AFG1L: variants seen among roughly 807,000 people sequenced by gnomAD.
AFG1L encodes AFG1-like ATPase.
AFG1L carries 53 observed loss-of-function variants against 62.2 expected under a neutral mutation model. The ratio of observed to expected loss-of-function variants is 0.85; its 90% confidence interval spans 0.68 to 1.07. AFG1L has a LOEUF of 1.07. Among genes scored for constraint, AFG1L ranks in the 50% least tolerant of loss-of-function variants. The pLI is 0.00. For synonymous variants in AFG1L, 228 were observed against 210.3 expected (o/e 1.08, Z -0.73); for missense variants, 555 against 590.5 (o/e 0.94, Z 0.62).
At chr6:108,500,231 C>A (rs760266539) in intron 10 of AFG1L, among the ~76,000 whole-genome samples, 111 of 146,234 alleles carry the variant, frequency 7.6e-4, no homozygotes, top group Non-Finnish European at 1.0e-3. Context: ...TATACCTGAT[C>A]TCAGGTGATC....
At chr6:108,295,328 C>T in intron 1 of AFG1L, 110 bp downstream of exon 1, 1 of 1,264,464 alleles carries the variant, frequency 7.9e-7, no homozygotes, top group Non-Finnish European at 1.1e-6. Flanking sequence ...TTTCACGAAG[C>T]TGAGGGCTCC....
At chr6:108,434,840 A>G (rs967328852) in intron 7 of AFG1L, among the ~76,000 whole-genome samples, 1 of 152,224 alleles carries the variant, frequency 6.6e-6, no homozygotes, top group Non-Finnish European at 1.5e-5. Flanking sequence ...AACTAATTTT[A>G]GATCCCCAAT....
intron 10 of AFG1L, among the ~76,000 whole-genome samples, chr6:108,496,732 A>G (rs1582665960): frequency 7.9e-6 from 1 of 127,376 alleles, no homozygotes; most frequent in Non-Finnish European, 1.7e-5. Context: ...TGACAAATCT[A>G]AAAAAAATGA....
intron 1 of AFG1L, among the ~76,000 whole-genome samples, chr6:108,314,536 A>G (rs1777521577): frequency 6.6e-6 from 1 of 151,850 alleles, no homozygotes; most frequent in Non-Finnish European, 1.5e-5. Flanking sequence ...AGCTGCGACT[A>G]CAGGCACATG....
At chr6:108,340,056 C>T (rs1196994581) in intron 2 of AFG1L, among the ~76,000 whole-genome samples, 1 of 151,914 alleles carries the variant, frequency 6.6e-6, no homozygotes, top group African/African-American at 2.4e-5. Flanking sequence ...CTCCCACTAC[C>T]CTTCCCAGTC....
chr6:108,490,082 T>C (rs1314770165), intron 10 of AFG1L, among the ~76,000 whole-genome samples: 1 of 152,200 alleles, frequency 6.6e-6, no homozygotes, highest in Non-Finnish European at 1.5e-5. Flanking sequence ...TTTACTAGGC[T>C]AGGCGCGGTG....
chr6:108,519,350 A>G (rs922485941), intron 11 of AFG1L, among the ~76,000 whole-genome samples: 1 of 152,190 alleles, frequency 6.6e-6, no homozygotes, highest in Non-Finnish European at 1.5e-5. Context: ...GGATGGGACA[A>G]AAACATTCAA....
At position 108,471,258 on chromosome 6, in the gene AFG1L, C is replaced by G. The variant is rs76849797; in HGVS notation, c.891-5607C>G. 4.3e-3 allele frequency among the ~76,000 whole-genome samples: 662 copies of G among 152,238 alleles called. 5 individuals are homozygous for G. The highest frequency in any genetic ancestry group is 0.014 in the African/African-American group (589 of 41,544). ...AACATAAAATTCTCAACCTTCATAA[C>G]TATGACGAAGGCAGAGACACCGTAT... On this transcript the variant is annotated intron_variant, in intron 8 of 12. Coordinates refer to ENST00000368977, the MANE Select transcript of AFG1L (RefSeq NM_145315.5).
chr6:108,485,851 TTGTAGAGACAGGG>T (rs1309665180), intron 10 of AFG1L, among the ~76,000 whole-genome samples: 1 of 149,970 alleles, frequency 6.7e-6, no homozygotes, highest in Non-Finnish European at 1.5e-5. Flanking sequence ...TTAGTATTTT[TTGTAGAGACAGGG>T]TTTTGCCGTG....
chr6:108,472,361 GA>G (rs1772928546), intron 8 of AFG1L, among the ~76,000 whole-genome samples: 1 of 152,096 alleles, frequency 6.6e-6, no homozygotes, highest in Admixed American at 6.6e-5. Flanking sequence ...TTTGCTAAAA[GA>G]ATAGATTTTA....
At chr6:108,419,221 A>G (rs1225261001) in intron 7 of AFG1L, among the ~76,000 whole-genome samples, 3 of 152,186 alleles carry the variant, frequency 2.0e-5, no homozygotes, top group African/African-American at 7.2e-5. Context: ...CCCAGGGGAA[A>G]TGTTCCTGTG....
At chr6:108,347,485 G>A (rs145720215) in intron 3 of AFG1L, among the ~76,000 whole-genome samples, 46 of 152,206 alleles carry the variant, frequency 3.0e-4, no homozygotes, top group African/African-American at 1.1e-3. Context: ...CTTTAATGTA[G>A]TTGACAGTAG....
chr6:108,369,889 C>T (rs1206625625), intron 6 of AFG1L, among the ~76,000 whole-genome samples: 2 of 152,118 alleles, frequency 1.3e-5, no homozygotes, highest in Admixed American at 6.6e-5. Flanking sequence ...GGATTACAGG[C>T]GTGAGCTACT....
intron 7 of AFG1L, among the ~76,000 whole-genome samples, chr6:108,446,097 C>T (rs1003751964): frequency 8.7e-6 from 1 of 114,808 alleles, no homozygotes; most frequent in African/African-American, 3.1e-5. Flanking sequence ...CACACACACA[C>T]ACACACCCCT....
At chr6:108,379,311 C>T (rs1029030525) in intron 6 of AFG1L, among the ~76,000 whole-genome samples, 2 of 152,084 alleles carry the variant, frequency 1.3e-5, no homozygotes, top group African/African-American at 4.8e-5. Context: ...CGCCCGGCTG[C>T]CCTATGTACT....
At chr6:108,466,351 TGGTAGCACTA>T (rs1317546708) in intron 8 of AFG1L, among the ~76,000 whole-genome samples, 1 of 152,226 alleles carries the variant, frequency 6.6e-6, no homozygotes, top group Non-Finnish European at 1.5e-5. Flanking sequence ...AGAATGTTCA[TGGTAGCACTA>T]TTCACAGTAT....
At chr6:108,440,335 C>G (rs1562162797) in intron 7 of AFG1L, among the ~76,000 whole-genome samples, 1 of 151,664 alleles carries the variant, frequency 6.6e-6, no homozygotes. Context: ...CACCCAGCTA[C>G]TTTTTGTATT....
intron 2 of AFG1L, among the ~76,000 whole-genome samples, chr6:108,346,404 T>C (rs1276242256): frequency 6.6e-6 from 1 of 152,036 alleles, no homozygotes. Flanking sequence ...CTTGCTCTGT[T>C]GTCTAGGCTG....
At chr6:108,468,854 T>G (rs985829997) in intron 8 of AFG1L, among the ~76,000 whole-genome samples, 9 of 151,940 alleles carry the variant, frequency 5.9e-5, no homozygotes, top group Admixed American at 4.6e-4. Context: ...AGCAGTCCTA[T>G]TTAGAGCTCT....
Sources: allele counts gnomAD v4.1 joint callset (sites outside exome capture counted in the v4.1 genomes callset), GRCh38; gene constraint gnomAD v4.1.1; transcripts MANE v1.5; gene names NCBI Gene and HGNC (gene_info 2026-07-23, HGNC 2026-07-21).